Variants in PTK7 observed in about 807,000 individuals in gnomAD.
PTK7 encodes inactive tyrosine-protein kinase 7.
Under a neutral mutation model 116.6 loss-of-function variants are expected in PTK7, and 39 were observed. That is an observed-to-expected ratio of 0.33 (90% CI 0.26 to 0.44). The LOEUF is 0.44. Ranked by LOEUF, PTK7 falls within the 20% of genes least tolerant of loss-of-function variation. PTK7 has a pLI of 1.00. For synonymous variants in PTK7, 546 were observed against 563.6 expected, an observed-to-expected ratio of 0.97 and a Z score of 0.44; for missense variants, 1,169 against 1,425.6, an observed-to-expected ratio of 0.82 and a Z score of 2.90.
chr6:43,133,780 C>T (rs1049766482), intron 7 of PTK7: 5 of 152,148 alleles, frequency 3.3e-5, no homozygotes, highest in African/African-American at 1.2e-4. Context: ...TTACTATTAT[C>T]TTTCCGAGTG....
chr6:43,140,968 G>A (rs1175862082), intron 10 of PTK7, among the ~76,000 whole-genome samples: 1 of 151,650 alleles, frequency 6.6e-6, no homozygotes, highest in East Asian at 1.9e-4. Context: ...TTCAACAATT[G>A]GATTCACTGT....
intron 1 of PTK7, among the ~76,000 whole-genome samples, chr6:43,124,760 C>T (rs931707371): frequency 1.3e-5 from 2 of 152,266 alleles, no homozygotes; most frequent in Non-Finnish European, 2.9e-5. Flanking sequence ...CACAGACTGT[C>T]TTCTGAGCAA....
intron 1 of PTK7, among the ~76,000 whole-genome samples, chr6:43,115,697 A>G (rs1768470722): frequency 6.6e-6 from 1 of 151,908 alleles, no homozygotes; most frequent in South Asian, 2.1e-4. Context: ...GCACTTTGGG[A>G]GGCCGAGATG....
intron 5 of PTK7, 57 bp from the exon 6 acceptor site, chr6:43,131,959 C>A: frequency 6.2e-7 from 1 of 1,608,520 alleles, no homozygotes; most frequent in Non-Finnish European, 8.5e-7. Context: ...CCTTGCATTC[C>A]TTTCCAGAAC....
In PTK7 at chr6:43,141,664, G is replaced by A. The variant is rs1344938044; in HGVS notation, c.1619-4G>A. The A allele has an allele frequency of 2.5e-6, 4 of 1,613,754 alleles. No individual in the cohort carries two copies. The highest frequency in any genetic ancestry group is 3.4e-6 in the Non-Finnish European group (4 of 1,179,742). On this transcript the variant is annotated splice_polypyrimidine_tract_variant and splice_region_variant and intron_variant, in intron 10 of 19. Transcript: ENST00000230419. This position sits in a 1 kb window ranked among gnomAD's most constrained non-coding sequence, Gnocchi z 4.9. ...CCCATAATTTCCCTTTGTTACCCCT[G>A]CAGATGGGAGCAGCCTCCCAGAGTG...
intron 1 of PTK7, among the ~76,000 whole-genome samples, chr6:43,080,725 T>G (rs368692617): frequency 6.6e-6 from 1 of 152,134 alleles, no homozygotes; most frequent in Non-Finnish European, 1.5e-5. Flanking sequence ...GCGGATCACC[T>G]GAGGTCAGGA....
Position 43,076,720 on chromosome 6 carries a change from C to A in PTK7, c.79+153C>A. On this transcript the variant is annotated intron_variant, in intron 1 of 19. Coordinates refer to ENST00000230419, the MANE Select transcript of PTK7 (RefSeq NM_002821.5). The surrounding 1 kb of genome is among the most constrained non-coding windows in gnomAD (Gnocchi z 5.7). Reference sequence around the variant, plus strand: ...GGTGCAGGCTTGCGGCGGAAGGGCGCAAGGAGCCCGGGTGTCGGGAGGCTG... The same window carrying A: ...GGTGCAGGCTTGCGGCGGAAGGGCGAAAGGAGCCCGGGTGTCGGGAGGCTG... 1 of 1,379,926 alleles carries A rather than the reference C, an allele frequency of 7.2e-7. No individual in the cohort carries two copies. 85.5% of individuals were successfully genotyped at this position (1,379,926 alleles called of 1,614,324 possible).
intron 5 of PTK7, among the ~76,000 whole-genome samples, chr6:43,131,114 G>C (rs1769658358): frequency 6.6e-6 from 1 of 151,268 alleles, no homozygotes; most frequent in South Asian, 2.1e-4. Flanking sequence ...GAAGGTTCCA[G>C]CCCTACTGCA....
intron 1 of PTK7, among the ~76,000 whole-genome samples, chr6:43,084,426 A>G (rs3793018): frequency 0.27 from 41,260 of 152,164 alleles, 5,797 homozygotes; most frequent in Non-Finnish European, 0.31. Flanking sequence ...TACAGGCGTA[A>G]GCCATCACGC....
Position 43,141,518 on chromosome 6 carries a change from C to T in PTK7, c.1619-150C>T, listed in dbSNP as rs72867547. 11,548 of 859,052 alleles carry T rather than the reference C, an allele frequency of 0.013. 110 individuals are homozygous for T. The highest frequency in any genetic ancestry group is 0.015 in the Non-Finnish European group (8,600 of 555,274). 53.2% of individuals were successfully genotyped at this position (859,052 alleles called of 1,614,324 possible). ...GGAAGAGGGGTAAATAACGGAGGGG[C>T]TTCTAACACTTGGCTCAGGAGTTTG... On this transcript the variant is annotated intron_variant, in intron 10 of 19. Transcript: ENST00000230419. This position sits in a 1 kb window ranked among gnomAD's most constrained non-coding sequence, Gnocchi z 4.9.
In PTK7 at chr6:43,141,632, G is replaced by T. The variant is rs1261928379; in HGVS notation, c.1619-36G>T. 6.2e-7 allele frequency: 1 copy of T among 1,606,946 alleles called. No individual in the cohort carries two copies. The highest frequency in any genetic ancestry group is 8.5e-7 in the Non-Finnish European group (1 of 1,175,276). On this transcript the variant is annotated intron_variant, in intron 10 of 19. Coordinates refer to ENST00000230419, the MANE Select transcript of PTK7 (RefSeq NM_002821.5). The surrounding 1 kb of genome is among the most constrained non-coding windows in gnomAD (Gnocchi z 4.9). ...CATTGCCAGCTGTCTGTGTAACCCT[G>T]ATCCTTCCCATAATTTCCCTTTGTT... is the stretch of plus-strand genomic sequence containing the variant.
rs758239196 is a variant in PTK7, at chr6:43,132,472, A to T, written c.1013A>T (p.Glu338Val). 6.3e-7 allele frequency: 1 copy of T among 1,598,224 alleles called. No individual in the cohort carries two copies. The change falls in exon 7 of 20, where the codon GAG (glutamate) becomes GTG (valine). Residue 338 changes from glutamate to valine, a missense_variant. Physicochemically the swap from Glu to Val is moderately radical, Grantham distance 121. Around this residue, in one of 3 missense-constraint regions of PTK7, gnomAD observed 487 missense variants for 549.8 expected, o/e 0.89. Transcript: ENST00000230419. Reference protein sequence around the residue: ...FEPRVFTAGSEERVTCLPPKG... With the variant: ...FEPRVFTAGSVERVTCLPPKG... ...CCACGGGTGTTTACAGCTGGCAGCG[A>T]GGAGCGTGTGACCTGCCTTCCCCCC...
At chr6:43,132,766 G>A (rs770075469) in intron 7 of PTK7, 79 bp downstream of exon 7, 48 of 1,537,316 alleles carry the variant, frequency 3.1e-5, no homozygotes, top group Non-Finnish European at 3.9e-5. Context: ...GGCTTCCCTG[G>A]TACTCACCTG....
intron 1 of PTK7, among the ~76,000 whole-genome samples, chr6:43,118,501 A>C (rs1053976360): frequency 6.6e-6 from 1 of 151,418 alleles, no homozygotes; most frequent in African/African-American, 2.4e-5. Context: ...GCACCACTGC[A>C]CTCCAGCCTG....
chr6:43,122,581 C>T (rs1194146056), intron 1 of PTK7, among the ~76,000 whole-genome samples: 1 of 151,818 alleles, frequency 6.6e-6, no homozygotes, highest in African/African-American at 2.4e-5. Context: ...TACAGGGACC[C>T]AGGCCGTGGA....
rs962719749 is a variant in PTK7, at chr6:43,139,612, G to C, written c.1618+87G>C. On this transcript the variant is annotated intron_variant, in intron 10 of 19. Transcript: ENST00000230419. The surrounding 1 kb of genome is among the most constrained non-coding windows in gnomAD (Gnocchi z 4.6). ...TGAGGGCTGCTGGGTGCCCCGCACTGTGCCAGGAAATGTGGAGATTAGACA... is the reference window on the plus strand; with the variant it reads ...TGAGGGCTGCTGGGTGCCCCGCACTCTGCCAGGAAATGTGGAGATTAGACA... 3.8e-5 allele frequency: 59 copies of C among 1,560,736 alleles called. No individual in the cohort carries two copies. The highest frequency in any genetic ancestry group is 5.0e-5 in the Non-Finnish European group (58 of 1,153,892).
chr6:43,148,737 C>G, intron 17 of PTK7, among the ~76,000 whole-genome samples: 1 of 150,042 alleles, frequency 6.7e-6, no homozygotes, highest in East Asian at 1.9e-4. Context: ...CTCCAAGGAC[C>G]ATACTCTGCG....
rs1295012986 is a variant in PTK7 at position 43,142,517 on chromosome 6, G to A, written c.2047+218G>A. The A allele has an allele frequency of 2.5e-5, 19 of 748,496 alleles. No homozygotes were observed. The East Asian group carries it at 5.1e-4, about 20-fold the overall frequency. 46.4% of individuals were successfully genotyped at this position (748,496 alleles called of 1,614,324 possible). On this transcript the variant is annotated intron_variant, in intron 13 of 19. Coordinates refer to ENST00000230419, the MANE Select transcript of PTK7 (RefSeq NM_002821.5). ...TCCAACGGTCGGTGTGTGTGTGTGT[G>A]TGTTGTGGGGGAGTGGGGGGGTGTT...
At chr6:43,113,478 G>A (rs1346581242) in intron 1 of PTK7, among the ~76,000 whole-genome samples, 3 of 152,136 alleles carry the variant, frequency 2.0e-5, no homozygotes, top group Admixed American at 6.5e-5. Context: ...CTGGGGTCTG[G>A]TGAACACAAG....
Sources: allele counts gnomAD v4.1 joint callset (sites outside exome capture counted in the v4.1 genomes callset), GRCh38; gene constraint gnomAD v4.1.1; regional missense constraint gnomAD v4.1.1; non-coding constraint Gnocchi (gnomAD v3.1); transcripts MANE v1.5; gene names NCBI Gene and HGNC (gene_info 2026-07-23, HGNC 2026-07-21).